ABCA13: variants seen among roughly 807,000 people sequenced by gnomAD.
ABCA13 encodes ATP-binding cassette sub-family A member 13.
A neutral mutation model predicts 478.7 loss-of-function variants in ABCA13; 476 were observed. That is an observed-to-expected ratio of 0.99 (90% confidence interval 0.92 to 1.07). The LOEUF (loss-of-function observed/expected upper bound fraction) is 1.07. Ranked by LOEUF, ABCA13 falls within the 50% of genes least tolerant of loss-of-function variation. The pLI is 0.00. For synonymous variants in ABCA13, 2,252 were observed against 2,158.9 expected, an observed-to-expected ratio of 1.04 and a Z score of -1.20; for missense variants, 6,060 against 5,910.6, an observed-to-expected ratio of 1.03 and a Z score of -0.83.
At chr7:48,471,339 C>T (rs1026377331) in intron 44 of ABCA13, among the ~76,000 whole-genome samples, 191 bp from the exon 45 acceptor site, 10 of 152,110 alleles carry the variant, frequency 6.6e-5, no homozygotes, top group Non-Finnish European at 1.0e-4. Context: ...GAAATGCTGG[C>T]GTTGTAATAA....
At chr7:48,428,763 G>A (rs187850660) in intron 42 of ABCA13, among the ~76,000 whole-genome samples, 4 of 152,208 alleles carry the variant, frequency 2.6e-5, no homozygotes, top group South Asian at 4.1e-4. Flanking sequence ...ATTATGTTAG[G>A]CATATATTTT....
chr7:48,212,537 A>G (rs565696668), intron 3 of ABCA13, among the ~76,000 whole-genome samples: 28 of 152,332 alleles, frequency 1.8e-4, no homozygotes, highest in Non-Finnish European at 2.1e-4. Flanking sequence ...GTGTTGTGCA[A>G]TTTTATACTC....
chr7:48,271,958 A>G lies in ABCA13; in HGVS notation c.2292A>G (p.Thr764=), dbSNP rs756776602. The change falls in exon 17 of 62, where the codon ACA becomes ACG. Residue 764 remains threonine, a synonymous_variant. Transcript: ENST00000435803. The part of the protein sequence containing the change: ...VPSFHSLPSL[T]EDILNISSLW... ...GTTTCCACAGCCTCCCATCTCTCAC[A>G]GAGGATATTCTGAATATAAGTTCTC... is the stretch of plus-strand genomic sequence containing the variant. 3.1e-6 allele frequency: 5 copies of G among 1,613,540 alleles called. No homozygotes were observed. Among genetic ancestry groups the G allele is most frequent in the African/African-American group, 1.3e-5 (1 of 74,898 alleles).
In ABCA13 at chr7:48,410,610, G is replaced by C. The variant is rs1015950401; in HGVS notation, c.12161G>C (p.Cys4054Ser). 6.2e-7 allele frequency: 1 copy of C among 1,614,034 alleles called. No homozygotes were observed. Among genetic ancestry groups the C allele is most frequent in the Non-Finnish European group, 8.5e-7 (1 of 1,179,896 alleles). Residue 4054 changes from cysteine to serine, a missense_variant, in exon 40 of 62, where the codon TGC becomes TCC. Coordinates refer to ENST00000435803, the MANE Select transcript of ABCA13 (RefSeq NM_152701.5). ...VAVLQHGRLR[C>S]CGPPFCLKEA... ...GTCCTCCAGCATGGGAGGCTCAGGT[G>C]CTGCGGTCCTCCCTTCTGCCTGAAG...
chr7:48,233,275 G>C (rs572700115), intron 7 of ABCA13, among the ~76,000 whole-genome samples: 2 of 152,176 alleles, frequency 1.3e-5, no homozygotes, highest in East Asian at 3.9e-4. Context: ...TCAGTCAATG[G>C]GTGTTGAATC....
chr7:48,248,476 C>A (rs1487972231), intron 14 of ABCA13, 32 bp downstream of exon 14: 2 of 1,487,688 alleles, frequency 1.3e-6, no homozygotes, highest in Non-Finnish European at 9.1e-7. Context: ...AACTTATAAA[C>A]AATTGGGACA....
intron 8 of ABCA13, 119 bp from the exon 9 acceptor site, chr7:48,239,122 T>G: frequency 9.6e-7 from 1 of 1,037,734 alleles, no homozygotes; most frequent in South Asian, 1.6e-5. Flanking sequence ...CATCACTTAC[T>G]TCTTCAATCA....
Position 48,278,130 on chromosome 7 carries a change from A to G in ABCA13, c.6936A>G (p.Lys2312=), listed in dbSNP as rs1796547745. Residue 2312 remains lysine, a synonymous_variant, in exon 18 of 62, where the codon AAA becomes AAG. Transcript: ENST00000435803. ...VPKDKILEIL[K]LDQFLTLMIQ... ...AAGATAAAATTCTAGAAATTCTGAA[A>G]CTGGATCAATTTCTTACCCTGATGA... is the stretch of plus-strand genomic sequence containing the variant. The G allele has an allele frequency of 1.4e-6, 2 of 1,402,088 alleles. No homozygotes were observed. Among genetic ancestry groups the G allele is most frequent in the African/African-American group, 2.9e-5 (2 of 69,460 alleles). The allele number at this position is 1,402,088 out of a possible 1,614,324, so 86.9% of individuals were successfully genotyped here.
At position 48,367,901 on chromosome 7, in the gene ABCA13, T is replaced by C. The variant is rs1457468513; in HGVS notation, c.10796T>C (p.Ile3599Thr). 1.3e-6 allele frequency: 2 copies of C among 1,566,746 alleles called. No individual in the cohort carries two copies. Among genetic ancestry groups the C allele is most frequent in the Non-Finnish European group, 1.7e-6 (2 of 1,154,366 alleles). ...RKLVYEQEIQIEEYMRMMGVH... is the reference protein window; with the variant it reads ...RKLVYEQEIQTEEYMRMMGVH... ...TTGGTGTATGAGCAGGAGATACAGA[T>C]AGAAGAGGTAAATATCCTTAAACCT... The change falls in exon 32 of 62, where the codon ATA (isoleucine) becomes ACA (threonine). Residue 3599 changes from isoleucine (I) to threonine (T), a missense_variant. Ile to Thr is a moderately conservative substitution (Grantham distance 89). This residue lies in a region of ABCA13 where 4,423 missense variants were observed against 4,309.1 expected (regional missense o/e 1.03). Coordinates refer to ENST00000435803, the MANE Select transcript of ABCA13 (RefSeq NM_152701.5).
At chr7:48,330,601 TCATC>T (rs759661322) in intron 27 of ABCA13, among the ~76,000 whole-genome samples, 8 of 141,986 alleles carry the variant, frequency 5.6e-5, no homozygotes, top group African/African-American at 1.1e-4. Context: ...ATGCATCTAT[TCATC>T]CATCCATCCA....
rs1828936729 is a variant in ABCA13, at chr7:48,483,083, G to A, written c.13102G>A (p.Gly4368Ser). 1 of 1,611,204 alleles carries A rather than the reference G, an allele frequency of 6.2e-7. No individual in the cohort carries two copies. ...LAPSEKPRLG[G>S]WSFGLKIPSE... ...AATGTTCATTGTTAACAGGCTTGGA[G>A]GTTGGTCTTTTGGATTAAAAATCCC... Residue 4368 changes from glycine to serine, a missense_variant, in exon 47 of 62, where the codon GGT (glycine) becomes AGT (serine). Around this residue, in one of 3 missense-constraint regions of ABCA13, gnomAD observed 1,627 missense variants for 1,571.0 expected, o/e 1.04. Coordinates refer to ENST00000435803, the MANE Select transcript of ABCA13 (RefSeq NM_152701.5).
At chr7:48,298,785 A>T (rs1397666967) in intron 23 of ABCA13, among the ~76,000 whole-genome samples, 1 of 152,252 alleles carries the variant, frequency 6.6e-6, no homozygotes, top group Non-Finnish European at 1.5e-5. Context: ...GCCCTGATGC[A>T]TGACACCTGG....
At chr7:48,262,766 C>G (rs915698450) in intron 15 of ABCA13, among the ~76,000 whole-genome samples, 3 of 151,862 alleles carry the variant, frequency 2.0e-5, no homozygotes, top group African/African-American at 7.2e-5. Context: ...GTGTACAGAG[C>G]AGATAACAAT....
intron 1 of ABCA13, among the ~76,000 whole-genome samples, chr7:48,185,480 T>C (rs949015150): frequency 3.9e-5 from 6 of 152,214 alleles, no homozygotes; most frequent in Non-Finnish European, 8.8e-5. Flanking sequence ...CAAAAACCTT[T>C]TGGAATTCCA....
chr7:48,332,065 A>C (rs1584888789), intron 27 of ABCA13, among the ~76,000 whole-genome samples: 1 of 152,186 alleles, frequency 6.6e-6, no homozygotes, highest in East Asian at 1.9e-4. Flanking sequence ...TATTGTGCAG[A>C]TATCAGGAGT....
intron 35 of ABCA13, among the ~76,000 whole-genome samples, chr7:48,378,042 A>G (rs1293337126): frequency 1.3e-5 from 2 of 152,206 alleles, no homozygotes; most frequent in Non-Finnish European, 2.9e-5. Context: ...ATGGTAAAGC[A>G]AAGGAACATT....
At chr7:48,278,060 T>TAAATTA (rs1341238889) in intron 17 of ABCA13, 34 bp from the exon 18 acceptor site, 1 of 776,226 alleles carries the variant, frequency 1.3e-6, no homozygotes, top group Admixed American at 4.6e-5. Context: ...TATTAAAAAT[T>TAAATTA]AAATTAAAAG....
chr7:48,382,094 G>A (rs1238950726), intron 35 of ABCA13, among the ~76,000 whole-genome samples: 1 of 152,154 alleles, frequency 6.6e-6, no homozygotes, highest in African/African-American at 2.4e-5. Flanking sequence ...ACTCTGGAAT[G>A]TCTTTCACGT....
chr7:48,392,891 G>T (rs1039479467), intron 38 of ABCA13, among the ~76,000 whole-genome samples: 4 of 152,304 alleles, frequency 2.6e-5, no homozygotes, highest in African/African-American at 7.2e-5. Flanking sequence ...GAGAACTCCC[G>T]GTAGGGTCAC....
Sources: allele counts gnomAD v4.1 joint callset (sites outside exome capture counted in the v4.1 genomes callset), GRCh38; gene constraint gnomAD v4.1.1; regional missense constraint gnomAD v4.1.1; transcripts MANE v1.5; gene names NCBI Gene and HGNC (gene_info 2026-07-23, HGNC 2026-07-21).